The following TENM2 variants were observed in gnomAD, a reference collection of about 807,000 sequenced individuals.
TENM2 encodes teneurin-2.
TENM2 carries 52 observed loss-of-function variants against 245.2 expected under a neutral mutation model. The observed-to-expected ratio is 0.21, with a 90% CI of 0.17 to 0.27. The LOEUF (loss-of-function observed/expected upper bound fraction) is 0.27, where lower values mean the gene tolerates loss of function less well. Ranked by LOEUF, TENM2 falls within the 10% of genes least tolerant of loss-of-function variation. The probability of loss-of-function intolerance (pLI) is 1.00; values close to 1 mark genes in which losing one functional copy is unlikely to be tolerated. For missense variants in TENM2, 3,046 were observed against 3,666.8 expected (o/e 0.83, Z 4.37); for synonymous variants, 1,363 against 1,438.9 (o/e 0.95, Z 1.19).
intron 3 of TENM2, among the ~76,000 whole-genome samples, chr5:167,898,553 C>G (rs1449629032): frequency 1.3e-5 from 2 of 152,198 alleles, no homozygotes; most frequent in Non-Finnish European, 2.9e-5. Context: ...TGTTTAAAAG[C>G]TGCCCAGATG....
At chr5:168,050,768 T>G (rs927336109) in intron 6 of TENM2, among the ~76,000 whole-genome samples, 2 of 152,224 alleles carry the variant, frequency 1.3e-5, no homozygotes, top group African/African-American at 4.8e-5. Flanking sequence ...AGCACTTGAT[T>G]AATTAGTTGG....
chr5:167,882,508 C>G (rs529367749), intron 3 of TENM2, among the ~76,000 whole-genome samples: 1 of 152,146 alleles, frequency 6.6e-6, no homozygotes, highest in Admixed American at 6.5e-5. Context: ...AAGAAACACC[C>G]GACACTGGGT....
intron 1 of TENM2, chr5:167,307,908 C>G (rs1755776497): frequency 6.6e-6 from 1 of 152,256 alleles, no homozygotes; most frequent in East Asian, 1.9e-4. Flanking sequence ...CTTCTCTGAA[C>G]AAAAGGAGAC....
the TENM2 span, among the ~76,000 whole-genome samples, chr5:167,220,125 A>G: frequency 1.3e-5 from 2 of 152,284 alleles, no homozygotes; most frequent in East Asian, 3.9e-4. Context: ...CCTTTGAACT[A>G]TACTGGTACT....
chr5:167,859,095 A>G (rs1771397285), intron 2 of TENM2, among the ~76,000 whole-genome samples: 2 of 135,122 alleles, frequency 1.5e-5, no homozygotes, highest in Non-Finnish European at 1.6e-5. Context: ...CCATCGTCTG[A>G]GATGTGGGGA....
the TENM2 span, among the ~76,000 whole-genome samples, chr5:167,098,694 G>GTGTT: frequency 6.6e-6 from 1 of 152,160 alleles, no homozygotes; most frequent in African/African-American, 2.4e-5. Flanking sequence ...GAATGGTCGA[G>GTGTT]TGTTTTGTCT....
At chr5:167,516,783 G>A (rs912286882) in intron 2 of TENM2, among the ~76,000 whole-genome samples, 3 of 152,042 alleles carry the variant, frequency 2.0e-5, no homozygotes, top group Admixed American at 6.5e-5. Context: ...CTGTGCTTGC[G>A]GCTTCATTAA....
At chr5:166,983,094 A>G in the TENM2 span, among the ~76,000 whole-genome samples, 3 of 152,086 alleles carry the variant, frequency 2.0e-5, no homozygotes, top group Admixed American at 2.0e-4. Context: ...ATAAACATAA[A>G]CCACTACTTA....
intron 9 of TENM2, among the ~76,000 whole-genome samples, chr5:168,110,595 C>A (rs1248048533): frequency 6.6e-6 from 1 of 152,190 alleles, no homozygotes; most frequent in East Asian, 1.9e-4. Flanking sequence ...TTGGATGAAA[C>A]AGACCCCCCA....
chr5:167,549,850 A>T (rs933714685), intron 2 of TENM2, among the ~76,000 whole-genome samples: 4 of 152,082 alleles, frequency 2.6e-5, no homozygotes, highest in African/African-American at 9.7e-5. Flanking sequence ...ACTTCTATGC[A>T]TTCATGGATT....
intron 25 of TENM2, among the ~76,000 whole-genome samples, chr5:168,243,479 A>C (rs970703546): frequency 6.6e-6 from 1 of 152,182 alleles, no homozygotes; most frequent in Non-Finnish European, 1.5e-5. Context: ...GAAGGAAAGA[A>C]GTTCACATAG....
chr5:168,089,950 G>C (rs2053048), intron 7 of TENM2, among the ~76,000 whole-genome samples: 43,903 of 151,894 alleles, frequency 0.29, 6,610 homozygotes, highest in South Asian at 0.41. Flanking sequence ...GCACAGACAG[G>C]AGAAGCTAGT....
chr5:167,049,105 T>C, the TENM2 span, among the ~76,000 whole-genome samples: 1 of 152,190 alleles, frequency 6.6e-6, no homozygotes, highest in Non-Finnish European at 1.5e-5. Flanking sequence ...CATGGTTATT[T>C]CAGTCTTTTA....
chr5:168,106,381 A>G (rs1013624238), intron 9 of TENM2, among the ~76,000 whole-genome samples: 1 of 152,156 alleles, frequency 6.6e-6, no homozygotes, highest in African/African-American at 2.4e-5. Flanking sequence ...GCTGGCATTT[A>G]TTGAGTTCTT....
chr5:167,393,156 A>G (rs530695490), intron 2 of TENM2, among the ~76,000 whole-genome samples: 2 of 152,154 alleles, frequency 1.3e-5, no homozygotes, highest in Admixed American at 6.6e-5. Context: ...GTTAATTTTT[A>G]TTAGGCAATA....
chr5:167,179,947 C>T, the TENM2 span, among the ~76,000 whole-genome samples: 5 of 152,130 alleles, frequency 3.3e-5, no homozygotes, highest in South Asian at 2.1e-4. Flanking sequence ...ACAGAGCAGA[C>T]GTGGAGGATA....
the TENM2 span, among the ~76,000 whole-genome samples, chr5:167,222,729 A>T: frequency 6.6e-6 from 1 of 152,184 alleles, no homozygotes; most frequent in South Asian, 2.1e-4. Context: ...CCCAGTTCGC[A>T]AAGATGACCT....
chr5:167,068,756 G>A, the TENM2 span, among the ~76,000 whole-genome samples: 1 of 152,076 alleles, frequency 6.6e-6, no homozygotes, highest in Non-Finnish European at 1.5e-5. Flanking sequence ...AATATTAGTT[G>A]ACTGGTTTTG....
intron 2 of TENM2, among the ~76,000 whole-genome samples, chr5:167,826,745 T>C (rs1421137223): frequency 6.6e-6 from 1 of 152,222 alleles, no homozygotes; most frequent in Non-Finnish European, 1.5e-5. Flanking sequence ...CTGAGCAAGT[T>C]ACTTAAGTTC....
Sources: allele counts gnomAD v4.1 joint callset (sites outside exome capture counted in the v4.1 genomes callset), GRCh38; gene constraint gnomAD v4.1.1; transcripts MANE v1.5; gene names NCBI Gene and HGNC (gene_info 2026-07-23, HGNC 2026-07-21).